The following SLCO2A1 variants were observed in gnomAD, a reference collection of about 807,000 sequenced individuals.
SLCO2A1 encodes matrin F/G 1.
SLCO2A1 carries 60 observed loss-of-function variants against 71.7 expected under a neutral mutation model. The observed-to-expected ratio is 0.84, with a 90% CI of 0.68 to 1.04. SLCO2A1 has a LOEUF of 1.04. Among genes scored for constraint, SLCO2A1 ranks in the 50% least tolerant of loss-of-function variants. SLCO2A1 has a pLI of 0.00. For missense variants in SLCO2A1, 745 were observed against 813.4 expected, an observed-to-expected ratio of 0.92 and a Z score of 1.02; for synonymous variants, 308 against 326.7, an observed-to-expected ratio of 0.94 and a Z score of 0.62.
intron 1 of SLCO2A1, among the ~76,000 whole-genome samples, chr3:133,990,013 G>A (rs1934804717): frequency 6.6e-6 from 1 of 152,240 alleles, no homozygotes; most frequent in African/African-American, 2.4e-5. Context: ...TAGGAGAGAA[G>A]GTTTCTTGTG....
At chr3:133,957,302 A>C (rs528943120) in intron 3 of SLCO2A1, among the ~76,000 whole-genome samples, 4 of 152,246 alleles carry the variant, frequency 2.6e-5, no homozygotes, top group Non-Finnish European at 5.9e-5. Flanking sequence ...TCTCTGATTT[A>C]CAGGCTCTAC....
chr3:133,946,437 C>G (rs1933579805), intron 9 of SLCO2A1, among the ~76,000 whole-genome samples: 1 of 152,180 alleles, frequency 6.6e-6, no homozygotes, highest in Non-Finnish European at 1.5e-5. Context: ...AAAGTTAACA[C>G]TGTGACCCAT....
chr3:133,942,986 T>C (rs1340746381), intron 10 of SLCO2A1, among the ~76,000 whole-genome samples: 5 of 152,060 alleles, frequency 3.3e-5, no homozygotes, highest in African/African-American at 9.7e-5. Context: ...ACAGAAACCA[T>C]CTTCTGGGCT....
chr3:133,987,513 C>A (rs758090340), intron 1 of SLCO2A1, among the ~76,000 whole-genome samples: 14 of 152,172 alleles, frequency 9.2e-5, no homozygotes, highest in South Asian at 4.2e-4. Flanking sequence ...GTCCTCCCCC[C>A]ACCCCACTTC....
intron 1 of SLCO2A1, among the ~76,000 whole-genome samples, chr3:134,011,119 C>T (rs963851029): frequency 2.0e-5 from 3 of 152,156 alleles, no homozygotes; most frequent in Non-Finnish European, 2.9e-5. Flanking sequence ...GGCGCGATCT[C>T]GGCTCACTGC....
chr3:133,949,400 C>T (rs920049976), intron 6 of SLCO2A1, among the ~76,000 whole-genome samples: 10 of 152,048 alleles, frequency 6.6e-5, no homozygotes, highest in African/African-American at 2.2e-4. Flanking sequence ...CGTCCTCCCC[C>T]TTTCTATCTC....
At position 133,965,155 on chromosome 3, in the gene SLCO2A1, A is replaced by G. The variant is rs374629534; in HGVS notation, c.397+8508T>C. ...AAAAAAAACCGTTAGCGGAGCCAAC[A>G]TGAGCTCATCAAAAGCCAGTCTTGC... is the stretch of plus-strand genomic sequence containing the variant. On this transcript the variant is annotated intron_variant, in intron 3 of 13. Coordinates refer to ENST00000310926, the MANE Select transcript of SLCO2A1 (RefSeq NM_005630.3). 4.7e-3 allele frequency among the ~76,000 whole-genome samples: 720 copies of G among 152,354 alleles called. 7 individuals are homozygous for G. The highest frequency in any genetic ancestry group is 0.038 in the South Asian group (185 of 4,830).
intron 1 of SLCO2A1, among the ~76,000 whole-genome samples, chr3:133,981,974 CAAAAAAA>C (rs34863339): frequency 1.1e-4 from 12 of 109,816 alleles, no homozygotes; most frequent in Non-Finnish European, 1.8e-4. Flanking sequence ...GACTCCGTCT[CAAAAAAA>C]AAAAAAAAAA....
intron 10 of SLCO2A1, among the ~76,000 whole-genome samples, chr3:133,944,328 TGATGGGTTCACCATCA>T (rs1375099583): frequency 6.6e-6 from 1 of 152,238 alleles, no homozygotes; most frequent in Non-Finnish European, 1.5e-5. Context: ...GGACCTTGTC[TGATGGGTTCACCATCA>T]CATCCTCAGC....
At chr3:133,999,262 G>C (rs1685991900) in intron 1 of SLCO2A1, among the ~76,000 whole-genome samples, 1 of 152,192 alleles carries the variant, frequency 6.6e-6, no homozygotes, top group African/African-American at 2.4e-5. Context: ...GGGTCTCCCT[G>C]TGATGACTGA....
intron 1 of SLCO2A1, among the ~76,000 whole-genome samples, chr3:134,001,359 C>T (rs544853328): frequency 3.9e-5 from 6 of 152,280 alleles, no homozygotes; most frequent in Admixed American, 2.0e-4. Flanking sequence ...AATCCACCCC[C>T]GTCAGCCTCC....
At chr3:133,952,976 T>C (rs986391506) in intron 5 of SLCO2A1, among the ~76,000 whole-genome samples, 1 of 152,106 alleles carries the variant, frequency 6.6e-6, no homozygotes, top group Admixed American at 6.5e-5. Flanking sequence ...TTTTTTTTCC[T>C]CAAAAGAGCT....
intron 1 of SLCO2A1, among the ~76,000 whole-genome samples, chr3:134,022,512 A>G (rs1385145618): frequency 6.6e-6 from 1 of 152,220 alleles, no homozygotes; most frequent in Non-Finnish European, 1.5e-5. Flanking sequence ...AAAGTTAAAG[A>G]AGTATCATCC....
chr3:133,953,228 G>A (rs374614198), intron 5 of SLCO2A1, among the ~76,000 whole-genome samples: 8 of 152,184 alleles, frequency 5.3e-5, no homozygotes, highest in African/African-American at 1.9e-4. Context: ...TAGTAGAGAC[G>A]GGGTTTCACC....
At chr3:134,029,161 GC>G (rs971238328) in intron 1 of SLCO2A1, among the ~76,000 whole-genome samples, 9 of 152,070 alleles carry the variant, frequency 5.9e-5, no homozygotes, top group Non-Finnish European at 1.2e-4. Flanking sequence ...AGGTAGCAGA[GC>G]CCCCCGCCCC....
intron 9 of SLCO2A1, 123 bp downstream of exon 9, chr3:133,947,133 C>CA (rs376201375): frequency 0.16 from 99,874 of 643,628 alleles, 18 homozygotes; most frequent in East Asian, 0.2. Flanking sequence ...GACTCTGTCT[C>CA]AAAAAAAAAA....
intron 1 of SLCO2A1, among the ~76,000 whole-genome samples, chr3:134,003,384 C>T (rs192876497): frequency 2.0e-4 from 30 of 149,404 alleles, no homozygotes; most frequent in Admixed American, 4.7e-4. Context: ...AAGGAACGGA[C>T]ATCTACACAC....
intron 1 of SLCO2A1, among the ~76,000 whole-genome samples, chr3:134,017,067 G>A (rs184850520): frequency 9.2e-5 from 14 of 152,304 alleles, no homozygotes; most frequent in South Asian, 4.1e-4. Context: ...GACTATAAAC[G>A]GGTCAGCACA....
At chr3:134,019,764 A>G (rs1935530783) in intron 1 of SLCO2A1, among the ~76,000 whole-genome samples, 1 of 151,990 alleles carries the variant, frequency 6.6e-6, no homozygotes, top group Admixed American at 6.6e-5. Flanking sequence ...CCTAAACTAT[A>G]TGGTATGTGG....
Sources: allele counts gnomAD v4.1 joint callset (sites outside exome capture counted in the v4.1 genomes callset), GRCh38; gene constraint gnomAD v4.1.1; transcripts MANE v1.5; gene names NCBI Gene and HGNC (gene_info 2026-07-23, HGNC 2026-07-21).